The following HCK variants were observed in gnomAD, a reference collection of about 807,000 sequenced individuals.
HCK encodes the protein HCK proto-oncogene, Src family tyrosine kinase.
Under a neutral mutation model 70.4 loss-of-function variants are expected in HCK, and 40 were observed. That is an observed-to-expected ratio of 0.57 (90% CI 0.44 to 0.74). The LOEUF is 0.74. Ranked by LOEUF, HCK falls within the 30% of genes least tolerant of loss-of-function variation. The pLI, the probability that HCK is intolerant of heterozygous loss-of-function variation, is 0.00. For missense variants in HCK, 568 were observed against 697.2 expected (o/e 0.81, Z 2.09); for synonymous variants, 245 against 263.2 (o/e 0.93, Z 0.67).
chr20:32,055,128 C>T (rs2045250929), intron 1 of HCK, among the ~76,000 whole-genome samples: 1 of 152,198 alleles, frequency 6.6e-6, no homozygotes, highest in Admixed American at 6.5e-5. Flanking sequence ...TTGAGGAAAA[C>T]ACCAAAAGGC....
intron 1 of HCK, among the ~76,000 whole-genome samples, chr20:32,068,246 G>A (rs887665009): frequency 2.0e-5 from 3 of 151,512 alleles, no homozygotes; most frequent in East Asian, 3.9e-4. Flanking sequence ...TGCGGTGAGT[G>A]GAGATGGCAC....
intron 10 of HCK, among the ~76,000 whole-genome samples, chr20:32,093,033 C>T (rs752708227): frequency 3.9e-5 from 6 of 152,118 alleles, no homozygotes; most frequent in Non-Finnish European, 5.9e-5. Context: ...CAGCCTCTGC[C>T]TCCTGGGTCC....
Position 32,082,215 on chromosome 20 carries a change from C to A in HCK, c.533-1679C>A, listed in dbSNP as rs2045717389. Among the ~76,000 whole-genome samples the A allele has an allele frequency of 5.9e-5, 9 of 152,182 alleles. No individual in the cohort carries two copies. In the South Asian group the frequency reaches 1.9e-3, roughly 32 times the overall value. ...CCCTTACCCCATGAGGTTATTCATTCATTAAATAAATAATATTATAATTTA... is the reference window on the plus strand; with the variant it reads ...CCCTTACCCCATGAGGTTATTCATTAATTAAATAAATAATATTATAATTTA... On this transcript the variant is annotated intron_variant, in intron 6 of 12. Transcript: ENST00000375852.
chr20:32,094,760 AGAAG>A (rs1269473881), intron 11 of HCK, among the ~76,000 whole-genome samples: 2,117 of 126,466 alleles, frequency 0.017, 47 homozygotes, highest in Middle Eastern at 0.02. Context: ...AAAGAAAGAA[AGAAG>A]GAAAGAAAGA....
chr20:32,073,064 C>T (rs773813020), intron 2 of HCK, among the ~76,000 whole-genome samples: 1 of 152,216 alleles, frequency 6.6e-6, no homozygotes, highest in Non-Finnish European at 1.5e-5. Context: ...CACGCCACTG[C>T]ACTCCAGCCT....
At chr20:32,054,537 G>C (rs6121326) in intron 1 of HCK, among the ~76,000 whole-genome samples, 1 of 138,504 alleles carries the variant, frequency 7.2e-6, no homozygotes, top group African/African-American at 2.8e-5. Flanking sequence ...CCGGACGCGG[G>C]GGCTCACGCC....
intron 1 of HCK, among the ~76,000 whole-genome samples, chr20:32,064,066 C>G (rs776103404): frequency 5.5e-5 from 7 of 126,938 alleles, no homozygotes; most frequent in Admixed American, 4.9e-4. Context: ...TGCAATGGCG[C>G]AATCTCGGCT....
intron 10 of HCK, 61 bp downstream of exon 10, chr20:32,088,705 A>T: frequency 8.2e-7 from 1 of 1,220,024 alleles, no homozygotes; most frequent in East Asian, 2.3e-5. Context: ...TACTTGCCAA[A>T]TATTTACTGA....
intron 10 of HCK, among the ~76,000 whole-genome samples, chr20:32,091,639 A>G (rs1279882466): frequency 6.6e-6 from 1 of 151,218 alleles, no homozygotes; most frequent in Admixed American, 6.6e-5. Flanking sequence ...CCCACCCCCC[A>G]CTATTCTAAA....
At chr20:32,097,039 G>A (rs2045966353) in intron 11 of HCK, among the ~76,000 whole-genome samples, 1 of 152,064 alleles carries the variant, frequency 6.6e-6, no homozygotes, top group Admixed American at 6.6e-5. Context: ...TAGCACTTTG[G>A]GAGGCCAAAA....
intron 11 of HCK, among the ~76,000 whole-genome samples, chr20:32,094,468 C>T (rs2045906371): frequency 6.6e-6 from 1 of 151,840 alleles, no homozygotes; most frequent in South Asian, 2.1e-4. Context: ...CTGCTTGAGC[C>T]CAGAAGCTCA....
At chr20:32,090,878 G>A (rs2045855306) in intron 10 of HCK, among the ~76,000 whole-genome samples, 1 of 152,144 alleles carries the variant, frequency 6.6e-6, no homozygotes, top group Non-Finnish European at 1.5e-5. Flanking sequence ...CAAGCAAGTT[G>A]CTTAACCTCT....
intron 1 of HCK, among the ~76,000 whole-genome samples, chr20:32,063,310 T>C (rs1192997789): frequency 6.6e-6 from 1 of 152,156 alleles, no homozygotes; most frequent in African/African-American, 2.4e-5. Flanking sequence ...TGGAGTGCAG[T>C]GGCATGACTA....
intron 1 of HCK, among the ~76,000 whole-genome samples, chr20:32,060,446 CCTGACATCAGGTGATCCGCCTG>C (rs1422553908): frequency 6.6e-6 from 1 of 152,146 alleles, no homozygotes; most frequent in East Asian, 1.9e-4. Context: ...GTCTCAAACT[CCTGACATCAGGTGATCCGCCTG>C]CTGACCTCAG....
chr20:32,081,123 T>A (rs1376628470), intron 6 of HCK, among the ~76,000 whole-genome samples: 1 of 152,086 alleles, frequency 6.6e-6, no homozygotes, highest in African/African-American at 2.4e-5. Flanking sequence ...TTACAATAGA[T>A]CTTATCCACA....
chr20:32,061,936 CTT>C (rs557203114), intron 1 of HCK, among the ~76,000 whole-genome samples: 20 of 122,038 alleles, frequency 1.6e-4, no homozygotes, highest in African/African-American at 3.3e-4. Context: ...TCTGACTTAC[CTT>C]TTTTTTTTTT....
In HCK at chr20:32,093,490, C is replaced by CGTGTGTGTGTGTGT. The variant is rs3073297; in HGVS notation, c.1093-353_1093-340dup. Among the ~76,000 whole-genome samples the CGTGTGTGTGTGTGT allele has an allele frequency of 3.7e-3, 547 of 146,412 alleles. 5 individuals carry two copies. The highest frequency in any genetic ancestry group is 0.01 in the South Asian group (47 of 4,502). The stretch of plus-strand genomic sequence containing the variant: ...AAGCTCTTCATAGTATCCTAGGGTT[C>CGTGTGTGTGTGTGT]GTGTGTGTGTGTGTGTGTGTGTGTG... On this transcript the variant is annotated intron_variant, in intron 10 of 12. Transcript: ENST00000375852.
At chr20:32,094,350 G>A in intron 11 of HCK, among the ~76,000 whole-genome samples, 1 of 152,082 alleles carries the variant, frequency 6.6e-6, no homozygotes, top group South Asian at 2.1e-4. Flanking sequence ...ATGGATTGTG[G>A]TATATTCACA....
At chr20:32,070,920 G>A (rs1346641569) in intron 1 of HCK, among the ~76,000 whole-genome samples, 4 of 141,086 alleles carry the variant, frequency 2.8e-5, no homozygotes, top group Non-Finnish European at 4.6e-5. Flanking sequence ...CAGAGGAGGG[G>A]GAAGGAGGAG....
Sources: gnomAD v4.1 joint callset for allele counts (sites outside exome capture counted in the v4.1 genomes callset) on GRCh38, gnomAD v4.1.1 for gene constraint, MANE v1.5 for transcripts, NCBI Gene and HGNC (gene_info 2026-07-23, HGNC 2026-07-21) for gene names.